NPAS3: variants seen among roughly 807,000 people sequenced by gnomAD.
NPAS3 encodes the protein neuronal PAS domain protein 3.
NPAS3 carries 14 observed loss-of-function variants against 73.1 expected under a neutral mutation model. The observed-to-expected ratio is 0.19, with a 90% CI of 0.13 to 0.30. The LOEUF is 0.30. Among genes scored for constraint, NPAS3 ranks in the 10% least tolerant of loss-of-function variants. The pLI, the probability that NPAS3 is intolerant of heterozygous loss-of-function variation, is 1.00. For synonymous variants in NPAS3, 620 were observed against 541.5 expected (o/e 1.14, Z -2.01); for missense variants, 1,096 against 1,250.0 (o/e 0.88, Z 1.86).
intron 4 of NPAS3, among the ~76,000 whole-genome samples, chr14:33,460,704 C>A (rs1269452406): frequency 6.6e-6 from 1 of 152,150 alleles, no homozygotes. Flanking sequence ...ATTCCTTTTA[C>A]TGTTGTTGTG....
At chr14:33,087,938 C>A (rs1457187725) in intron 2 of NPAS3, among the ~76,000 whole-genome samples, 15 of 152,226 alleles carry the variant, frequency 9.9e-5, no homozygotes, top group Admixed American at 9.8e-4. Context: ...CTGGAGACTA[C>A]TGTGTTTAAC....
At chr14:33,708,922 T>C (rs1337936970) in intron 6 of NPAS3, among the ~76,000 whole-genome samples, 2 of 152,198 alleles carry the variant, frequency 1.3e-5, no homozygotes, top group East Asian at 3.9e-4. Context: ...TTTCTGCCTC[T>C]ACTAGACCTG....
intron 1 of NPAS3, among the ~76,000 whole-genome samples, chr14:33,027,631 A>G (rs1205036546): frequency 6.6e-6 from 1 of 152,076 alleles, no homozygotes; most frequent in Non-Finnish European, 1.5e-5. Flanking sequence ...AGGTAATATA[A>G]TTGCCCCCAC....
chr14:33,529,564 A>G (rs917947224), intron 4 of NPAS3, among the ~76,000 whole-genome samples: 1 of 152,102 alleles, frequency 6.6e-6, no homozygotes, highest in African/African-American at 2.4e-5. Flanking sequence ...GACATTATCA[A>G]TCCATTTCCT....
At chr14:33,614,444 C>A (rs17406989) in intron 5 of NPAS3, among the ~76,000 whole-genome samples, 15,144 of 152,176 alleles carry the variant, frequency 0.1, 840 homozygotes, top group South Asian at 0.17. Flanking sequence ...TTTCTTCTTG[C>A]TACCTTAGTG....
At chr14:33,722,388 C>T (rs2061139337) in intron 6 of NPAS3, among the ~76,000 whole-genome samples, 1 of 152,168 alleles carries the variant, frequency 6.6e-6, no homozygotes, top group African/African-American at 2.4e-5. Context: ...GCAAGAATAA[C>T]TGCAAGCTAT....
intron 1 of NPAS3, among the ~76,000 whole-genome samples, chr14:32,970,736 G>C (rs555270367): frequency 6.6e-6 from 1 of 152,230 alleles, no homozygotes; most frequent in African/African-American, 2.4e-5. Context: ...AGCACTCCTT[G>C]GCTTCTTGAT....
chr14:33,287,527 C>T (rs953285268), intron 3 of NPAS3, among the ~76,000 whole-genome samples: 4 of 152,116 alleles, frequency 2.6e-5, no homozygotes, highest in Non-Finnish European at 5.9e-5. Context: ...CTACTCCATG[C>T]CCTCCTTGTT....
intron 3 of NPAS3, among the ~76,000 whole-genome samples, chr14:33,276,824 ATTC>A (rs2041358070): frequency 6.6e-6 from 1 of 152,118 alleles, no homozygotes; most frequent in Non-Finnish European, 1.5e-5. Context: ...GTAAACATAT[ATTC>A]TTCTCATAGA....
At chr14:32,977,704 C>G (rs2037744956) in intron 1 of NPAS3, among the ~76,000 whole-genome samples, 1 of 100,078 alleles carries the variant, frequency 1.0e-5, no homozygotes, top group African/African-American at 2.6e-5. Flanking sequence ...TGCGCTCCAG[C>G]CTGGGTGACA....
chr14:33,002,197 C>T (rs536969771), intron 1 of NPAS3, among the ~76,000 whole-genome samples: 60 of 152,294 alleles, frequency 3.9e-4, no homozygotes, highest in Middle Eastern at 3.4e-3. Flanking sequence ...TTTGTTTCTT[C>T]ATGTCGATAG....
intron 6 of NPAS3, among the ~76,000 whole-genome samples, chr14:33,688,307 T>C (rs1424305764): frequency 2.0e-5 from 3 of 152,208 alleles, no homozygotes; most frequent in Non-Finnish European, 4.4e-5. Context: ...GAATGTTAGC[T>C]TAGTAAAAAT....
At chr14:33,246,238 C>G (rs1041867346) in intron 3 of NPAS3, among the ~76,000 whole-genome samples, 1 of 152,132 alleles carries the variant, frequency 6.6e-6, no homozygotes, top group Admixed American at 6.5e-5. Flanking sequence ...GTGCCCAGTC[C>G]TGTTAAGAAC....
At chr14:33,784,284 T>C (rs1158574045) in intron 9 of NPAS3, among the ~76,000 whole-genome samples, 2 of 152,230 alleles carry the variant, frequency 1.3e-5, no homozygotes, top group Non-Finnish European at 2.9e-5. Context: ...CCTGTGTCAT[T>C]GCTGTGAGGT....
upstream of NPAS3, among the ~76,000 whole-genome samples, chr14:32,938,318 G>A (rs1257166314): frequency 2.6e-5 from 4 of 152,008 alleles, no homozygotes; most frequent in African/African-American, 9.7e-5. Context: ...GCCCCAGCTC[G>A]CTCCTGTGGC....
At chr14:33,360,362 G>A (rs754847962) in intron 3 of NPAS3, among the ~76,000 whole-genome samples, 69 of 152,098 alleles carry the variant, frequency 4.5e-4, no homozygotes, top group Non-Finnish European at 9.0e-4. Flanking sequence ...GGCGGGAGGG[G>A]GCTGGTGGGT....
At chr14:33,491,671 A>G (rs2139820164) in intron 4 of NPAS3, among the ~76,000 whole-genome samples, 1 of 152,324 alleles carries the variant, frequency 6.6e-6, no homozygotes, top group African/African-American at 2.4e-5. Context: ...CCTTCAGAGG[A>G]TAAAATATTT....
At chr14:33,014,347 G>T in intron 1 of NPAS3, among the ~76,000 whole-genome samples, 2 of 152,148 alleles carry the variant, frequency 1.3e-5, no homozygotes, top group Middle Eastern at 6.8e-3. Flanking sequence ...AATAATTGTG[G>T]AGAAATATAA....
At chr14:33,620,098 G>T (rs919646599) in intron 5 of NPAS3, among the ~76,000 whole-genome samples, 3 of 152,156 alleles carry the variant, frequency 2.0e-5, no homozygotes, top group Non-Finnish European at 4.4e-5. Flanking sequence ...TGGATGTGCT[G>T]CAGTGAAATG....
Sources: gnomAD v4.1 joint callset for allele counts (sites outside exome capture counted in the v4.1 genomes callset) on GRCh38, gnomAD v4.1.1 for gene constraint, MANE v1.5 for transcripts, NCBI Gene and HGNC (gene_info 2026-07-23, HGNC 2026-07-21) for gene names.